Variants in PTGER3 observed in about 807,000 individuals in gnomAD.
The protein encoded by PTGER3 is prostaglandin E2 receptor EP3 subtype.
PTGER3 carries 22 observed loss-of-function variants against 34.7 expected under a neutral mutation model. That is an observed-to-expected ratio of 0.63 (90% CI 0.45 to 0.91). The LOEUF is 0.91. PTGER3 is among the 40% of genes least tolerant of loss of function. The pLI, the probability that PTGER3 is intolerant of heterozygous loss-of-function variation, is 0.00. For missense variants in PTGER3, 468 were observed against 519.4 expected (o/e 0.90, Z 0.96); for synonymous variants, 241 against 230.1 (o/e 1.05, Z -0.43).
intron 4 of PTGER3, among the ~76,000 whole-genome samples, chr1:70,879,530 G>A (rs961242423): frequency 6.6e-6 from 1 of 152,182 alleles, no homozygotes; most frequent in Non-Finnish European, 1.5e-5. Flanking sequence ...TTATAGGGGT[G>A]AGCCACAACG....
chr1:71,042,745 G>T (rs976145485), intron 1 of PTGER3, among the ~76,000 whole-genome samples: 2 of 151,914 alleles, frequency 1.3e-5, no homozygotes, highest in Non-Finnish European at 2.9e-5. Context: ...GGCAAATTTC[G>T]CTTGTCAAAA....
At chr1:70,928,868 T>TACACAC (rs34765576) in intron 4 of PTGER3, among the ~76,000 whole-genome samples, 671 of 147,264 alleles carry the variant, frequency 4.6e-3, no homozygotes, top group South Asian at 0.021. Context: ...AATTTACAGA[T>TACACAC]ACACACACAC....
downstream of PTGER3, among the ~76,000 whole-genome samples, chr1:70,951,998 G>A (rs948249148): frequency 1.3e-5 from 2 of 152,090 alleles, no homozygotes; most frequent in Non-Finnish European, 2.9e-5. Context: ...GCATGCAGGA[G>A]GTAGGGAAAA....
At chr1:70,882,546 T>G (rs1646412409) in intron 4 of PTGER3, among the ~76,000 whole-genome samples, 1 of 152,212 alleles carries the variant, frequency 6.6e-6, no homozygotes, top group Non-Finnish European at 1.5e-5. Flanking sequence ...TGGCCTCTAT[T>G]GGAGCTATGG....
In PTGER3 at chr1:71,047,252, A is replaced by C. The variant is rs1276026089; in HGVS notation, c.326T>G (p.Val109Gly). 1 of 1,595,050 alleles carries C rather than the reference A, an allele frequency of 6.3e-7. No individual in the cohort carries two copies. The highest frequency in any genetic ancestry group is 8.5e-7 in the Non-Finnish European group (1 of 1,171,500). ...DLVGQLLTTP[V>G]VIVVYLSKQR... is the part of the protein sequence containing the mutation. ...CTTGGACAGGTACACGACGATGACG[A>C]CCGGGGTGGTGAGAAGCTGCCCGAC... is the stretch of plus-strand genomic sequence containing the variant. Residue 109 changes from valine to glycine, a missense_variant, in exon 1 of 4, where the codon GTC becomes GGC. Physicochemically the swap from Val to Gly is moderately radical, Grantham distance 109 (BLOSUM62 -3). Transcript: ENST00000306666.
At chr1:70,927,634 A>C (rs77075680) in intron 4 of PTGER3, among the ~76,000 whole-genome samples, 2 of 152,144 alleles carry the variant, frequency 1.3e-5, no homozygotes, top group African/African-American at 4.8e-5. Flanking sequence ...ATCAGTAACT[A>C]AGGCCACAGA....
intron 4 of PTGER3, among the ~76,000 whole-genome samples, chr1:70,887,383 C>T (rs1367822563): frequency 6.6e-6 from 1 of 152,194 alleles, no homozygotes; most frequent in African/African-American, 2.4e-5. Flanking sequence ...TGATTTTCTG[C>T]ATGTTGCTGG....
At chr1:70,877,441 G>T (rs1191204102) in intron 4 of PTGER3, among the ~76,000 whole-genome samples, 1 of 152,020 alleles carries the variant, frequency 6.6e-6, no homozygotes, top group Admixed American at 6.6e-5. Context: ...TGGATGCCTT[G>T]TATTTCTTTA....
chr1:71,026,981 A>T (rs1658980538), intron 1 of PTGER3, among the ~76,000 whole-genome samples: 1 of 152,132 alleles, frequency 6.6e-6, no homozygotes, highest in South Asian at 2.1e-4. Context: ...AAAAAGATAA[A>T]CAGATCCCAA....
intron 4 of PTGER3, among the ~76,000 whole-genome samples, chr1:70,926,288 G>A (rs908261746): frequency 2.6e-5 from 4 of 152,110 alleles, no homozygotes; most frequent in Admixed American, 6.6e-5. Flanking sequence ...CCATTTTCAC[G>A]ATATTGATTC....
In PTGER3 at chr1:71,047,277, C is replaced by T; in HGVS notation, c.301G>A (p.Val101Ile). 6.3e-7 allele frequency: 1 copy of T among 1,597,544 alleles called. No homozygotes were observed. The highest frequency in any genetic ancestry group is 8.5e-7 in the Non-Finnish European group (1 of 1,173,070). The change falls in exon 1 of 4, where the codon GTC becomes ATC. Residue 101 changes from valine (V) to isoleucine (I), a missense_variant. By Grantham distance (29) the Val-to-Ile change is conservative. Around this residue, in one of 5 missense-constraint regions of PTGER3, gnomAD observed 53 missense variants for 93.9 expected, o/e 0.56. Transcript: ENST00000306666. ...ACCGGGGTGGTGAGAAGCTGCCCGACCAGGTCGGTGAGCGCCAGCCAGCCG... is the reference window on the plus strand; with the variant it reads ...ACCGGGGTGGTGAGAAGCTGCCCGATCAGGTCGGTGAGCGCCAGCCAGCCG... ...CIGWLALTDL[V>I]GQLLTTPVVI... is the part of the protein sequence containing the mutation.
At chr1:70,927,655 A>G (rs1442177576) in intron 4 of PTGER3, among the ~76,000 whole-genome samples, 4 of 152,160 alleles carry the variant, frequency 2.6e-5, no homozygotes, top group East Asian at 1.9e-4. Context: ...AGTAGATGAC[A>G]TCATTCAAAA....
At chr1:71,006,084 G>T in intron 2 of PTGER3, 6 of 816,616 alleles carry the variant, frequency 7.3e-6, no homozygotes, top group Non-Finnish European at 8.9e-6. Flanking sequence ...CATCCTACAG[G>T]AGTATAGAAC....
At chr1:70,955,916 G>C (rs980156246) in intron 2 of PTGER3, among the ~76,000 whole-genome samples, 11 of 152,066 alleles carry the variant, frequency 7.2e-5, no homozygotes, top group African/African-American at 2.2e-4. Flanking sequence ...AAACCTGAAA[G>C]ACCTAAAGAA....
At chr1:71,024,781 C>T (rs1399974491) in intron 1 of PTGER3, among the ~76,000 whole-genome samples, 1 of 150,962 alleles carries the variant, frequency 6.6e-6, no homozygotes, top group Non-Finnish European at 1.5e-5. Flanking sequence ...TCTTGAACTA[C>T]TGATCTCAGG....
chr1:71,008,734 A>T (rs1657185523), intron 2 of PTGER3: 14 of 975,886 alleles, frequency 1.4e-5, no homozygotes, highest in Non-Finnish European at 1.6e-5. Context: ...AGATTTTGAG[A>T]TATGTAAACA....
At chr1:71,032,789 C>T (rs1372765526) in intron 1 of PTGER3, among the ~76,000 whole-genome samples, 1 of 152,136 alleles carries the variant, frequency 6.6e-6, no homozygotes, top group Non-Finnish European at 1.5e-5. Context: ...CATTTGCAGC[C>T]AAACAATCCT....
intron 4 of PTGER3, among the ~76,000 whole-genome samples, chr1:70,911,596 G>A (rs775809870): frequency 6.6e-6 from 1 of 152,038 alleles, no homozygotes; most frequent in Non-Finnish European, 1.5e-5. Context: ...AAAAGTGGGA[G>A]AAGACAAAAA....
At chr1:70,916,727 G>A (rs1476700230) in intron 4 of PTGER3, among the ~76,000 whole-genome samples, 8 of 152,072 alleles carry the variant, frequency 5.3e-5, no homozygotes, top group South Asian at 2.1e-4. Flanking sequence ...ACAACTGGGC[G>A]TGGGGGAGGA....
Sources: allele counts gnomAD v4.1 joint callset (sites outside exome capture counted in the v4.1 genomes callset), GRCh38; gene constraint gnomAD v4.1.1; regional missense constraint gnomAD v4.1.1; transcripts MANE v1.5; gene names NCBI Gene and HGNC (gene_info 2026-07-23, HGNC 2026-07-21).